The following ARFGEF1 variants were observed in gnomAD, a reference collection of about 807,000 sequenced individuals.
ARFGEF1 encodes the protein ARF guanine nucleotide exchange factor 1, also known as brefeldin A-inhibited guanine nucleotide-exchange protein 1.
Under a neutral mutation model 231.0 loss-of-function variants are expected in ARFGEF1, and 42 were observed. The ratio of observed to expected loss-of-function variants is 0.18; its 90% confidence interval spans 0.14 to 0.24. The LOEUF is 0.24. Among genes scored for constraint, ARFGEF1 ranks in the 10% least tolerant of loss-of-function variants. ARFGEF1 has a pLI of 1.00. For missense variants in ARFGEF1, 1,345 were observed against 2,192.0 expected, an observed-to-expected ratio of 0.61 and a Z score of 7.72; for synonymous variants, 710 against 732.3, an observed-to-expected ratio of 0.97 and a Z score of 0.49.
chr8:67,248,313 T>C (rs949853217), intron 19 of ARFGEF1, among the ~76,000 whole-genome samples: 12 of 150,322 alleles, frequency 8.0e-5, no homozygotes, highest in South Asian at 4.2e-4. Context: ...TGGAACAGAA[T>C]AGAGAACCCA....
At chr8:67,296,895 T>G (rs753040514) in intron 4 of ARFGEF1, among the ~76,000 whole-genome samples, 1 of 152,090 alleles carries the variant, frequency 6.6e-6, no homozygotes, top group Non-Finnish European at 1.5e-5. Context: ...CATGCAAGCC[T>G]CCCACCTCAG....
Position 67,179,785 on chromosome 8 carries a change from G to T in ARFGEF1, c.561-4213C>A, listed in dbSNP as rs565107875. The T allele has an allele frequency of 4.7e-5, 44 of 927,006 alleles. No homozygotes were observed. In the African/African-American group the frequency reaches 6.9e-4, roughly 14 times the overall value. 57.4% of individuals were successfully genotyped at this position (927,006 alleles called of 1,614,324 possible). A position where few individuals can be genotyped will look rare whatever the true frequency, so the allele number is the denominator to read the frequency against. On this transcript the variant is annotated intron_variant, in intron 5 of 5. Transcript: ENST00000518789. ...TTTAGGGAGAACAGTGTGGAAACTT[G>T]TGCCTCTTCTTAGTATAAATTTGTT...
intron 14 of ARFGEF1, among the ~76,000 whole-genome samples, chr8:67,264,282 G>A (rs972643143): frequency 2.6e-5 from 4 of 152,152 alleles, no homozygotes; most frequent in African/African-American, 9.7e-5. Context: ...AAGAATAGTG[G>A]TGGGAGATCG....
At chr8:67,274,420 A>G (rs983124217) in intron 9 of ARFGEF1, among the ~76,000 whole-genome samples, 3 of 152,074 alleles carry the variant, frequency 2.0e-5, no homozygotes, top group Admixed American at 2.0e-4. Flanking sequence ...CCATTGTTTA[A>G]TGACCCTGAC....
At chr8:67,249,392 G>A (rs1415847210) in intron 19 of ARFGEF1, among the ~76,000 whole-genome samples, 2 of 150,164 alleles carry the variant, frequency 1.3e-5, no homozygotes, top group East Asian at 3.9e-4. Flanking sequence ...CTGTAGGTTA[G>A]GTGTATTAAA....
At position 67,177,711 on chromosome 8, in the gene ARFGEF1, A is replaced by G; in HGVS notation, c.561-2139T>C. 1 of 1,612,072 alleles carries G rather than the reference A, an allele frequency of 6.2e-7. No individual in the cohort carries two copies. Among genetic ancestry groups the G allele is most frequent in the South Asian group, 1.1e-5 (1 of 90,870 alleles). ...TAGATGCCATCCCAAGTGCTAAAGTACGAGAGCAAAGAATGGTAAGCAACC... is the reference window on the plus strand; with the variant it reads ...TAGATGCCATCCCAAGTGCTAAAGTGCGAGAGCAAAGAATGGTAAGCAACC... On this transcript the variant is annotated intron_variant, in intron 5 of 5. Coordinates refer to the ARFGEF1 transcript ENST00000518789.
At chr8:67,201,833 C>A in intron 36 of ARFGEF1, 2 of 490,012 alleles carry the variant, frequency 4.1e-6, no homozygotes, top group South Asian at 4.5e-5. Context: ...GAAGGTGGAA[C>A]CCTTCACATG....
intron 34 of ARFGEF1, among the ~76,000 whole-genome samples, chr8:67,208,796 C>T (rs1012438463): frequency 6.6e-6 from 1 of 152,020 alleles, no homozygotes; most frequent in African/African-American, 2.4e-5. Flanking sequence ...AGGACATGAA[C>T]ACAAATTTCT....
chr8:67,184,061 C>G (rs1299788673), intron 5 of ARFGEF1, among the ~76,000 whole-genome samples: 1 of 152,010 alleles, frequency 6.6e-6, no homozygotes, highest in Non-Finnish European at 1.5e-5. Context: ...CCGTGTTGGC[C>G]AGGCTGGTCT....
chr8:67,298,631 T>C (rs979721914), intron 4 of ARFGEF1, among the ~76,000 whole-genome samples: 2 of 152,150 alleles, frequency 1.3e-5, no homozygotes, highest in African/African-American at 2.4e-5. Context: ...CAGAAAAACT[T>C]TGGAAGACTC....
intron 14 of ARFGEF1, among the ~76,000 whole-genome samples, chr8:67,265,630 T>C (rs146416040): frequency 1.3e-5 from 2 of 152,110 alleles, no homozygotes; most frequent in Admixed American, 1.3e-4. Flanking sequence ...CTGGAAAAAA[T>C]GTAAGACCTA....
At chr8:67,251,758 A>G (rs1028645229) in intron 18 of ARFGEF1, among the ~76,000 whole-genome samples, 2 of 152,128 alleles carry the variant, frequency 1.3e-5, no homozygotes, top group Non-Finnish European at 1.5e-5. Context: ...TGGTAGTTGC[A>G]CAACGTTATG....
intron 5 of ARFGEF1, among the ~76,000 whole-genome samples, chr8:67,189,785 G>C (rs1190832036): frequency 6.6e-6 from 1 of 152,000 alleles, no homozygotes; most frequent in Admixed American, 6.6e-5. Context: ...TATAGAAATT[G>C]GCAAAGTAAC....
At chr8:67,299,135 G>GT in intron 4 of ARFGEF1, 74 bp downstream of exon 4, 3 of 1,319,430 alleles carry the variant, frequency 2.3e-6, no homozygotes, top group Non-Finnish European at 2.0e-6. Flanking sequence ...CTTTCCTAAT[G>GT]TTTTAAGGTG....
downstream of ARFGEF1, chr8:67,195,687 A>AAGTT (rs1837798287): frequency 1.6e-5 from 16 of 1,015,738 alleles, no homozygotes; most frequent in South Asian, 1.8e-4. Flanking sequence ...CCCTACCTGA[A>AAGTT]AGTTACTTTT....
downstream of ARFGEF1, chr8:67,195,949 C>T (rs1278615082): frequency 5.4e-6 from 1 of 183,960 alleles, no homozygotes; most frequent in Non-Finnish European, 1.1e-5. Context: ...GTTACATGCA[C>T]ATTTTCCATT....
chr8:67,226,097 C>A lies in ARFGEF1; in HGVS notation c.4003G>T (p.Ala1335Ser), dbSNP rs1563849152. 1 of 1,613,324 alleles carries A rather than the reference C, an allele frequency of 6.2e-7. No homozygotes were observed. The highest frequency in any genetic ancestry group is 1.1e-5 in the South Asian group (1 of 90,984). ...KCLSEFACNA[A>S]FPDTSMEAIR... ...GCTTCCATACTTGTGTCTGGGAAAG[C>A]TGCATTGCACGCAAATTCAGACAAA... The change falls in exon 28 of 39, where the codon GCT becomes TCT. Residue 1335 changes from alanine to serine, a missense_variant. Around this residue, in one of 14 missense-constraint regions of ARFGEF1, gnomAD observed 142 missense variants for 227.3 expected, o/e 0.62. Transcript: ENST00000262215.
downstream of ARFGEF1, chr8:67,195,357 G>A (rs747288364): frequency 1.3e-6 from 2 of 1,552,910 alleles, no homozygotes; most frequent in South Asian, 2.2e-5. Context: ...TGTTACCTGA[G>A]CCACGTGTCC....
intron 17 of ARFGEF1, among the ~76,000 whole-genome samples, chr8:67,254,340 G>A (rs1840387887): frequency 6.6e-6 from 1 of 152,144 alleles, no homozygotes. Context: ...AGTCTTATGT[G>A]ATGTCTCTGA....
Sources: gnomAD v4.1 joint callset for allele counts (sites outside exome capture counted in the v4.1 genomes callset) on GRCh38, gnomAD v4.1.1 for gene constraint, gnomAD v4.1.1 regional missense constraint, MANE v1.5 for transcripts, NCBI Gene and HGNC (gene_info 2026-07-23, HGNC 2026-07-21) for gene names.